Variants in MECOM observed in about 807,000 individuals in gnomAD.
The protein encoded by MECOM is MDS1 and EVI1 complex locus, also known as histone-lysine N-methyltransferase MECOM.
A neutral mutation model predicts 116.3 loss-of-function variants in MECOM; 13 were observed. The ratio of observed to expected loss-of-function variants is 0.11; its 90% CI spans 0.07 to 0.18. The LOEUF (loss-of-function observed/expected upper bound fraction) is 0.18, where lower values mean the gene tolerates loss of function less well. Among genes scored for constraint, MECOM ranks in the 10% least tolerant of loss-of-function variants. The probability of loss-of-function intolerance (pLI) is 1.00; values close to 1 mark genes in which losing one functional copy is unlikely to be tolerated. For missense variants in MECOM, 1,299 were observed against 1,509.0 expected (o/e 0.86, Z 2.31); for synonymous variants, 528 against 535.2 (o/e 0.99, Z 0.19).
At chr3:169,146,411 C>G (rs1314154776) in intron 2 of MECOM, 2 of 1,393,856 alleles carry the variant, frequency 1.4e-6, no homozygotes, top group Non-Finnish European at 9.6e-7. Context: ...CAGAGACACA[C>G]GGAGGGAGGG....
intron 2 of MECOM, among the ~76,000 whole-genome samples, chr3:169,151,838 T>A (rs1400366335): frequency 2.6e-5 from 4 of 152,186 alleles, no homozygotes; most frequent in Non-Finnish European, 5.9e-5. Flanking sequence ...GATTCATATA[T>A]AAATATTTCT....
chr3:169,618,733 T>C (rs764053630), intron 1 of MECOM, among the ~76,000 whole-genome samples: 113 of 152,276 alleles, frequency 7.4e-4, no homozygotes, highest in Non-Finnish European at 1.2e-3. Context: ...CACCATGGCT[T>C]ACACCCACCT....
chr3:169,610,188 C>CA (rs1366777062), intron 1 of MECOM, among the ~76,000 whole-genome samples: 13 of 152,164 alleles, frequency 8.5e-5, no homozygotes, highest in African/African-American at 2.9e-4. Flanking sequence ...ACCCTAGTTC[C>CA]AAGCCCTGAA....
chr3:169,306,379 G>C (rs1717703528), intron 2 of MECOM, among the ~76,000 whole-genome samples: 1 of 152,170 alleles, frequency 6.6e-6, no homozygotes, highest in Non-Finnish European at 1.5e-5. Context: ...ATATAAAATA[G>C]AAAGAAGTGG....
Position 169,624,828 on chromosome 3 carries a change from T to C in MECOM, c.37+38508A>G, listed in dbSNP as rs1016983127. Among the ~76,000 whole-genome samples the C allele has an allele frequency of 2.5e-4, 38 of 152,304 alleles. 1 individual carries two copies. Among genetic ancestry groups the C allele is most frequent in the Non-Finnish European group, 2.4e-4 (16 of 68,008 alleles). On this transcript the variant is annotated intron_variant, in intron 1 of 16. Coordinates refer to ENST00000651503, the MANE Select transcript of MECOM (RefSeq NM_004991.4). Reference sequence around the variant, plus strand: ...GTGCACAAACATTTTGACTTCTGACTGGACAGCTAGACCTGGCAGTGTCTT... The same window carrying C: ...GTGCACAAACATTTTGACTTCTGACCGGACAGCTAGACCTGGCAGTGTCTT...
In MECOM at chr3:169,526,033, G is replaced by GAA. The variant is rs36077732; in HGVS notation, c.37+137301_37+137302dup. 2.7e-3 allele frequency among the ~76,000 whole-genome samples: 396 copies of GAA among 146,802 alleles called. 2 individuals carry two copies. Among genetic ancestry groups the GAA allele is most frequent in the African/African-American group, 8.9e-3 (355 of 39,792 alleles). On this transcript the variant is annotated intron_variant, in intron 1 of 16. Coordinates refer to ENST00000651503, the MANE Select transcript of MECOM (RefSeq NM_004991.4). ...TAAGAGCGAAAACCCCATCTTGAAG[G>GAA]AAAAAAAAAAAGTAGCTGGATACTA...
At chr3:169,350,294 A>G (rs1048447850) in intron 2 of MECOM, among the ~76,000 whole-genome samples, 1 of 151,952 alleles carries the variant, frequency 6.6e-6, no homozygotes, top group African/African-American at 2.4e-5. Context: ...TCTACCCCCA[A>G]AGTAGTTGGG....
chr3:169,115,112 A>G (rs1478023901), intron 8 of MECOM, among the ~76,000 whole-genome samples: 3 of 152,044 alleles, frequency 2.0e-5, no homozygotes, highest in African/African-American at 7.2e-5. Context: ...CATATTTTCC[A>G]CTCCAAAAAA....
chr3:169,145,262 A>G (rs1250952410), intron 2 of MECOM: 2 of 442,650 alleles, frequency 4.5e-6, no homozygotes, highest in Non-Finnish European at 7.9e-6. Context: ...ACACTTAAAC[A>G]TCCTTTCTAT....
At chr3:169,458,327 T>G (rs1019756500) in intron 1 of MECOM, among the ~76,000 whole-genome samples, 12 of 152,238 alleles carry the variant, frequency 7.9e-5, no homozygotes, top group Non-Finnish European at 1.5e-4. Flanking sequence ...CATATATAGC[T>G]GTGGTGTCCT....
At chr3:169,303,748 T>C (rs1717191433) in intron 2 of MECOM, among the ~76,000 whole-genome samples, 1 of 152,262 alleles carries the variant, frequency 6.6e-6, no homozygotes. Context: ...TTGGAAGCTT[T>C]ATGCACCTCT....
At chr3:169,378,539 A>C (rs1257771504) in intron 2 of MECOM, among the ~76,000 whole-genome samples, 2 of 115,530 alleles carry the variant, frequency 1.7e-5, no homozygotes, top group Non-Finnish European at 1.8e-5. Context: ...AGAAAGAAAG[A>C]AAGAAAGAAA....
chr3:169,538,768 C>T (rs16854022), intron 1 of MECOM, among the ~76,000 whole-genome samples: 7,723 of 152,226 alleles, frequency 0.051, 451 homozygotes, highest in East Asian at 0.33. Flanking sequence ...TAACTAACTA[C>T]TGGTGAGTGC....
intron 1 of MECOM, among the ~76,000 whole-genome samples, chr3:169,429,804 C>T (rs534956012): frequency 2.6e-5 from 4 of 152,248 alleles, no homozygotes; most frequent in South Asian, 2.1e-4. Flanking sequence ...CACTTCTCTA[C>T]GTCAGTGTAT....
chr3:169,587,426 A>AACACACACAC (rs3980637), intron 1 of MECOM, among the ~76,000 whole-genome samples: 1 of 140,990 alleles, frequency 7.1e-6, no homozygotes, highest in African/African-American at 2.7e-5. Flanking sequence ...CCCACACGCC[A>AACACACACAC]ACACACACAC....
At chr3:169,188,907 G>A (rs1015117137) in intron 2 of MECOM, among the ~76,000 whole-genome samples, 1 of 152,084 alleles carries the variant, frequency 6.6e-6, no homozygotes, top group Non-Finnish European at 1.5e-5. Flanking sequence ...CTGTGATGAA[G>A]TTGCAGCTCT....
intron 2 of MECOM, among the ~76,000 whole-genome samples, chr3:169,156,700 C>T (rs1742043193): frequency 6.6e-6 from 1 of 152,188 alleles, no homozygotes; most frequent in African/African-American, 2.4e-5. Flanking sequence ...TCCTATCCTC[C>T]TCCATTAAAA....
intron 1 of MECOM, among the ~76,000 whole-genome samples, chr3:169,449,467 C>T (rs937985166): frequency 7.2e-5 from 11 of 152,076 alleles, no homozygotes; most frequent in Non-Finnish European, 1.3e-4. Flanking sequence ...TTCTTTAGTT[C>T]CTCCTAGGGC....
rs115165408 is a variant in MECOM at position 169,097,233 on chromosome 3, G to A, written c.2850-1988C>T. ...TTCTAACTTTCTGCTTGCACACAAA[G>A]GGTCTTTTCCAAATCTAGTAAGCAC... On this transcript the variant is annotated intron_variant, in intron 12 of 16. Transcript: ENST00000651503. Among the ~76,000 whole-genome samples, 1,420 of 152,020 alleles carry A rather than the reference G, an allele frequency of 9.3e-3. 22 individuals carry two copies. Among genetic ancestry groups the A allele is most frequent in the African/African-American group, 0.033 (1,370 of 41,438 alleles).
Sources: gnomAD v4.1 joint callset for allele counts (sites outside exome capture counted in the v4.1 genomes callset) on GRCh38, gnomAD v4.1.1 for gene constraint, MANE v1.5 for transcripts, NCBI Gene and HGNC (gene_info 2026-07-23, HGNC 2026-07-21) for gene names.